The following P2RX7 variants were observed in gnomAD, a reference collection of about 807,000 sequenced individuals.
P2RX7 encodes the protein purinergic receptor P2X 7, also known as P2X purinoceptor 7.
P2RX7 carries 62 observed loss-of-function variants against 71.6 expected under a neutral mutation model. The ratio of observed to expected loss-of-function variants is 0.87; its 90% CI spans 0.71 to 1.07. The LOEUF is 1.07. P2RX7 is among the 50% of genes least tolerant of loss of function. The pLI, the probability that P2RX7 is intolerant of heterozygous loss-of-function variation, is 0.00. For synonymous variants in P2RX7, 299 were observed against 283.3 expected, an observed-to-expected ratio of 1.06 and a Z score of -0.56; for missense variants, 686 against 748.5, an observed-to-expected ratio of 0.92 and a Z score of 0.97.
At chr12:121,160,760 G>A (rs1879505272) in intron 3 of P2RX7, 142 bp from the exon 4 acceptor site, 1 of 733,880 alleles carries the variant, frequency 1.4e-6, no homozygotes, top group East Asian at 2.5e-5. Context: ...GTGGCCACTT[G>A]CGTGGTTTCC....
At chr12:121,176,178 C>A (rs1454767953) in intron 9 of P2RX7, among the ~76,000 whole-genome samples, 1 of 151,670 alleles carries the variant, frequency 6.6e-6, no homozygotes, top group Admixed American at 6.6e-5. Flanking sequence ...GTCGAACCAG[C>A]CCTAACCTAG....
chr12:121,163,352 ACACACG>A (rs1475078171), intron 5 of P2RX7, among the ~76,000 whole-genome samples: 39 of 127,502 alleles, frequency 3.1e-4, no homozygotes, highest in African/African-American at 9.3e-4. Context: ...ACACACACAC[ACACACG>A]CACACACACA....
chr12:121,160,511 C>A (rs557073350), intron 3 of P2RX7, among the ~76,000 whole-genome samples: 1 of 152,270 alleles, frequency 6.6e-6, no homozygotes, highest in Non-Finnish European at 1.5e-5. Context: ...ACTCCCCATT[C>A]TCCCCTTCCC....
In P2RX7 at chr12:121,162,663, G is replaced by A. The variant is rs1879993124; in HGVS notation, c.533+143G>A. ...GCTTGGGGACCCCTGCGCTCTGGAT[G>A]CACTGCTTGGCACAAACTAGTATCT... On this transcript the variant is annotated intron_variant, in intron 5 of 12. Coordinates refer to ENST00000328963, the MANE Select transcript of P2RX7 (RefSeq NM_002562.6). 1.5e-5 allele frequency: 12 copies of A among 794,568 alleles called. No homozygotes were observed. In the South Asian group the frequency reaches 2.1e-4, roughly 14 times the overall value. 49.2% of individuals were successfully genotyped at this position (794,568 alleles called of 1,614,324 possible).
In P2RX7 at chr12:121,167,128, C is replaced by T. The variant is rs568301877; in HGVS notation, c.745-360C>T. 7.9e-5 allele frequency among the ~76,000 whole-genome samples: 12 copies of T among 151,240 alleles called. 1 individual carries two copies. In the South Asian group the frequency reaches 1.9e-3, roughly 24 times the overall value. ...CCTAGGGGAGTACTAGGAGGTAAAG[C>T]AGAAAAGATATTTGATAGAGTGCCC... On this transcript the variant is annotated intron_variant, in intron 7 of 12. Coordinates refer to ENST00000328963, the MANE Select transcript of P2RX7 (RefSeq NM_002562.6).
At chr12:121,146,869 G>A (rs747346802) in intron 1 of P2RX7, among the ~76,000 whole-genome samples, 3 of 152,306 alleles carry the variant, frequency 2.0e-5, no homozygotes, top group East Asian at 1.9e-4. Flanking sequence ...CGCTTTCACC[G>A]CTGCTGTTCG....
chr12:121,179,034 T>C (rs1386553674), intron 11 of P2RX7, among the ~76,000 whole-genome samples: 1 of 152,040 alleles, frequency 6.6e-6, no homozygotes, highest in Non-Finnish European at 1.5e-5. Flanking sequence ...TACACAAAAT[T>C]GTACCAGTGG....
chr12:121,146,140 C>A (rs1470062762), intron 1 of P2RX7, among the ~76,000 whole-genome samples: 1 of 152,022 alleles, frequency 6.6e-6, no homozygotes, highest in African/African-American at 2.4e-5. Context: ...TTCTACTCTT[C>A]AAATGGCTGC....
Position 121,177,538 on chromosome 12 carries a change from T to C in P2RX7, c.1188+92T>C, listed in dbSNP as rs1007963782. On this transcript the variant is annotated intron_variant, in intron 11 of 12. Coordinates refer to ENST00000328963, the MANE Select transcript of P2RX7 (RefSeq NM_002562.6). The stretch of plus-strand genomic sequence containing the variant: ...CGAAAATTAGGCCCAAATCACAGGC[T>C]TCATCCTGTAGTGGATACGTCGCTG... The C allele has an allele frequency of 2.4e-6, 3 of 1,263,314 alleles. No individual in the cohort carries two copies. The African/African-American group carries it at 4.4e-5, about 19-fold the overall frequency. 78.3% of individuals were successfully genotyped at this position (1,263,314 alleles called of 1,614,324 possible).
In P2RX7 at chr12:121,165,991, T is replaced by C. The variant is rs1236996695; in HGVS notation, c.615-67T>C. The C allele has an allele frequency of 1.1e-5, 17 of 1,533,814 alleles. No individual in the cohort carries two copies. The East Asian group carries it at 3.9e-4, about 35-fold the overall frequency. On this transcript the variant is annotated intron_variant, in intron 6 of 12. Coordinates refer to ENST00000328963, the MANE Select transcript of P2RX7 (RefSeq NM_002562.6). Reference sequence around the variant, plus strand: ...CCTCTCCACCACACTGGCTCACTCCTGGGAAAGAGACAGATCTGTTTTCAA... The same window carrying C: ...CCTCTCCACCACACTGGCTCACTCCCGGGAAAGAGACAGATCTGTTTTCAA...
At chr12:121,150,315 A>G (rs989540918) in intron 1 of P2RX7, among the ~76,000 whole-genome samples, 4 of 152,214 alleles carry the variant, frequency 2.6e-5, no homozygotes, top group Non-Finnish European at 4.4e-5. Flanking sequence ...GCCTGATTCC[A>G]TTAAGGCTGA....
chr12:121,162,421 TAGGA>T lies in P2RX7; in HGVS notation c.437-1_439del, dbSNP rs781145579. 2 of 1,613,688 alleles carry T rather than the reference TAGGA, an allele frequency of 1.2e-6. No individual in the cohort carries two copies. The highest frequency in any genetic ancestry group is 2.7e-5 in the African/African-American group (2 of 74,902). On this transcript the variant is annotated splice_acceptor_variant and coding_sequence_variant, in exon 5 of 13. Coordinates refer to ENST00000328963, the MANE Select transcript of P2RX7 (RefSeq NM_002562.6). LOFTEE classifies it high-confidence loss of function. ...TGGTTCTACGATGCTTTGACCCCTATAGGAATTCAGACCGGAAGGTGTGTAGTGT... is the reference window on the plus strand; with the variant it reads ...TGGTTCTACGATGCTTTGACCCCTATATTCAGACCGGAAGGTGTGTAGTGT...
At chr12:121,171,006 T>C (rs1882071058) in intron 8 of P2RX7, among the ~76,000 whole-genome samples, 1 of 152,124 alleles carries the variant, frequency 6.6e-6, no homozygotes, top group Non-Finnish European at 1.5e-5. Context: ...GTGATTCCGC[T>C]TATGCACGAC....
At chr12:121,155,019 C>T in intron 2 of P2RX7, 66 bp downstream of exon 2, 4 of 1,592,852 alleles carry the variant, frequency 2.5e-6, no homozygotes, top group Non-Finnish European at 3.4e-6. Flanking sequence ...TAGCTCCCTT[C>T]CCCTAGGATC....
Position 121,184,472 on chromosome 12 carries a change from ACTCCCTGAGAGCCACAGGTGC to A in P2RX7, c.1461_1481del (p.Pro488_Leu494del). On this transcript the variant is annotated inframe_deletion, in exon 13 of 13. Transcript: ENST00000328963. ...AGTGTGGAAGCTGCCTCCCATCTCAACTCCCTGAGAGCCACAGGTGCCTGGAGGAGCTGTGCTGCCGGAAAA... is the reference window on the plus strand; with the variant it reads ...AGTGTGGAAGCTGCCTCCCATCTCAACTGGAGGAGCTGTGCTGCCGGAAAA... 7.4e-6 allele frequency: 12 copies of A among 1,613,842 alleles called. No individual in the cohort carries two copies. Among genetic ancestry groups the A allele is most frequent in the Non-Finnish European group, 1.0e-5 (12 of 1,179,950 alleles).
At chr12:121,176,835 G>A (rs986448448) in intron 9 of P2RX7, among the ~76,000 whole-genome samples, 4 of 151,928 alleles carry the variant, frequency 2.6e-5, no homozygotes, top group African/African-American at 9.7e-5. Context: ...CCTTTTGGAG[G>A]AGAAGCTTGT....
At chr12:121,150,164 T>A (rs1362711233) in intron 1 of P2RX7, among the ~76,000 whole-genome samples, 2 of 152,204 alleles carry the variant, frequency 1.3e-5, no homozygotes, top group East Asian at 3.8e-4. Context: ...ACTTTCATGA[T>A]CACAGTATCC....
rs34595094 is a variant in P2RX7, at chr12:121,171,359, C to CTT, written c.881+3756_881+3757dup. ...CACTGTGTCTCTATGTCTTCAATCT[C>CTT]TTTTTTTTTTTTTTTTTTTTTTGAG... On this transcript the variant is annotated intron_variant, in intron 8 of 12. Coordinates refer to ENST00000328963, the MANE Select transcript of P2RX7 (RefSeq NM_002562.6). Among the ~76,000 whole-genome samples, 263 of 104,902 alleles carry CTT rather than the reference C, an allele frequency of 2.5e-3. 1 individual carries two copies. Among genetic ancestry groups the CTT allele is most frequent in the Non-Finnish European group, 2.9e-3 (160 of 55,422 alleles). The allele number at this position is 104,902 out of a possible 152,430, so 68.8% of individuals were successfully genotyped here.
chr12:121,135,339 AAATAAT>A (rs1050660270), intron 1 of P2RX7, among the ~76,000 whole-genome samples: 4 of 152,068 alleles, frequency 2.6e-5, no homozygotes, highest in African/African-American at 9.6e-5. Context: ...CTCCATCTCA[AAATAAT>A]AATAATAGTA....
Sources: gnomAD v4.1 joint callset for allele counts (sites outside exome capture counted in the v4.1 genomes callset) on GRCh38, gnomAD v4.1.1 for gene constraint, MANE v1.5 for transcripts, NCBI Gene and HGNC (gene_info 2026-07-23, HGNC 2026-07-21) for gene names.